The following ENPEP variants were observed in gnomAD, a reference collection of about 807,000 sequenced individuals.
The protein encoded by ENPEP is glutamyl aminopeptidase.
A neutral mutation model predicts 114.5 loss-of-function variants in ENPEP; 103 were observed. That is an observed-to-expected ratio of 0.90 (90% CI 0.77 to 1.06). The LOEUF (loss-of-function observed/expected upper bound fraction) is 1.06, where lower values mean the gene tolerates loss of function less well. ENPEP is among the 50% of genes least tolerant of loss of function. ENPEP has a pLI of 0.00. For synonymous variants in ENPEP, 420 were observed against 422.0 expected, an observed-to-expected ratio of 1.00 and a Z score of 0.06; for missense variants, 1,196 against 1,161.3, an observed-to-expected ratio of 1.03 and a Z score of -0.43.
chr4:110,526,090 A>G (rs922566167), intron 10 of ENPEP, among the ~76,000 whole-genome samples: 3 of 152,144 alleles, frequency 2.0e-5, no homozygotes, highest in African/African-American at 7.2e-5. Context: ...AGCCTGGCCA[A>G]CATGATGAAA....
intron 3 of ENPEP, among the ~76,000 whole-genome samples, chr4:110,499,239 C>A (rs1725061978): frequency 6.6e-6 from 1 of 152,096 alleles, no homozygotes; most frequent in African/African-American, 2.4e-5. Context: ...TTTGATGGGA[C>A]ACATAGAACT....
chr4:110,537,581 C>T (rs531136262), intron 11 of ENPEP, among the ~76,000 whole-genome samples: 63 of 152,308 alleles, frequency 4.1e-4, no homozygotes, highest in Admixed American at 8.5e-4. Context: ...TCATTCCTGA[C>T]GGTTGCAATC....
chr4:110,524,549 A>T (rs1726125428), intron 10 of ENPEP, among the ~76,000 whole-genome samples: 1 of 152,214 alleles, frequency 6.6e-6, no homozygotes, highest in South Asian at 2.1e-4. Context: ...AGTCTAATTA[A>T]AATTTTTTCT....
At chr4:110,554,553 G>A (rs1353999453) in intron 18 of ENPEP, among the ~76,000 whole-genome samples, 1 of 152,044 alleles carries the variant, frequency 6.6e-6, no homozygotes, top group African/African-American at 2.4e-5. Flanking sequence ...GTGTGTGTGT[G>A]TGTGTGCACG....
At position 110,488,562 on chromosome 4, in the gene ENPEP, T is replaced by C. The variant is rs1333294961; in HGVS notation, c.666T>C (p.His222=). Reference sequence around the variant, plus strand: ...TAAGGAGCATAGTGGCCACCGATCATGAACCAACAGATGCCAGGAAATCTT... The same window carrying C: ...TAAGGAGCATAGTGGCCACCGATCACGAACCAACAGATGCCAGGAAATCTT... The part of the protein sequence containing the change: ...GQVKSIVATD[H]EPTDARKSFP... Residue 222 remains histidine, a synonymous_variant, in exon 2 of 20, where the codon CAT becomes CAC. Coordinates refer to ENST00000265162, the MANE Select transcript of ENPEP (RefSeq NM_001977.4). 6.2e-7 allele frequency: 1 copy of C among 1,613,062 alleles called. No individual in the cohort carries two copies. The highest frequency in any genetic ancestry group is 2.2e-5 in the East Asian group (1 of 44,864).
chr4:110,480,503 A>C (rs994528661), intron 1 of ENPEP, among the ~76,000 whole-genome samples: 1 of 152,182 alleles, frequency 6.6e-6, no homozygotes, highest in African/African-American at 2.4e-5. Context: ...ATAGTAATAC[A>C]TTTGAAGTAC....
intron 1 of ENPEP, among the ~76,000 whole-genome samples, chr4:110,479,257 T>A (rs780161822): frequency 3.3e-5 from 5 of 152,210 alleles, no homozygotes; most frequent in Non-Finnish European, 5.9e-5. Flanking sequence ...ATTCGATGGA[T>A]ACATGGTAGG....
chr4:110,498,674 G>A lies in ENPEP; in HGVS notation c.918+7510G>A, dbSNP rs1326048925. 5.3e-5 allele frequency among the ~76,000 whole-genome samples: 8 copies of A among 152,168 alleles called. No individual in the cohort carries two copies. In the East Asian group the frequency reaches 1.3e-3, roughly 26 times the overall value. On this transcript the variant is annotated intron_variant, in intron 3 of 19. Transcript: ENST00000265162. The stretch of plus-strand genomic sequence containing the variant: ...TGCGGCACTTTCCAGGTGGAATCAT[G>A]CAGGGCCCTGCCTGGCTTCTGACCC...
chr4:110,546,322 G>A (rs1448802), intron 13 of ENPEP, among the ~76,000 whole-genome samples: 35,174 of 151,006 alleles, frequency 0.23, 4,549 homozygotes, highest in African/African-American at 0.34. Context: ...CCCCCACCCC[G>A]CCCCCTGCTT....
At chr4:110,517,897 T>C (rs1287346794) in intron 8 of ENPEP, among the ~76,000 whole-genome samples, 1 of 152,218 alleles carries the variant, frequency 6.6e-6, no homozygotes, top group East Asian at 1.9e-4. Flanking sequence ...CATAGTTCCA[T>C]AGTTCACATA....
intron 11 of ENPEP, among the ~76,000 whole-genome samples, chr4:110,539,304 G>C (rs1726761160): frequency 6.6e-6 from 1 of 152,148 alleles, no homozygotes; most frequent in African/African-American, 2.4e-5. Flanking sequence ...CTGAGATTTA[G>C]AATGGACCCT....
intron 10 of ENPEP, among the ~76,000 whole-genome samples, chr4:110,523,439 A>G (rs867056009): frequency 6.6e-6 from 1 of 152,150 alleles, no homozygotes; most frequent in African/African-American, 2.4e-5. Flanking sequence ...AAAAATATGA[A>G]GCAGATAGAA....
intron 18 of ENPEP, 77 bp from the exon 19 acceptor site, chr4:110,559,570 A>G (rs775156616): frequency 1.1e-5 from 11 of 1,028,990 alleles, no homozygotes; most frequent in Non-Finnish European, 1.6e-5. Flanking sequence ...TGAAATAAAA[A>G]GGAAACATCT....
chr4:110,536,038 C>T (rs1302475403), intron 11 of ENPEP, among the ~76,000 whole-genome samples: 3 of 130,544 alleles, frequency 2.3e-5, no homozygotes, highest in East Asian at 2.5e-4. Context: ...ACCCGGGAGG[C>T]GGAGGTTGTA....
intron 3 of ENPEP, among the ~76,000 whole-genome samples, chr4:110,505,536 G>A (rs529388262): frequency 6.6e-6 from 1 of 152,310 alleles, no homozygotes; most frequent in East Asian, 1.9e-4. Context: ...AGGAAAAGGT[G>A]GTTCAAGATG....
In ENPEP at chr4:110,476,800, C is replaced by A. The variant is rs1429282709; in HGVS notation, c.386C>A (p.Thr129Asn). 2 of 1,614,086 alleles carry A rather than the reference C, an allele frequency of 1.2e-6. No individual in the cohort carries two copies. The highest frequency in any genetic ancestry group is 2.7e-5 in the African/African-American group (2 of 74,946). The change falls in exon 1 of 20, where the codon ACC becomes AAC. Residue 129 changes from threonine to asparagine, a missense_variant. Transcript: ENST00000265162. ...VSISINLSAPTRYLWLHLRET... is the reference protein window; with the variant it reads ...VSISINLSAPNRYLWLHLRET... The stretch of plus-strand genomic sequence containing the variant: ...ATCTCCATCAACCTGAGCGCTCCCA[C>A]CCGGTACCTGTGGCTGCACCTCCGG...
At chr4:110,525,594 A>T (rs1726165635) in intron 10 of ENPEP, among the ~76,000 whole-genome samples, 1 of 152,230 alleles carries the variant, frequency 6.6e-6, no homozygotes, top group Non-Finnish European at 1.5e-5. Context: ...AGTCACATAT[A>T]TAAATTATTG....
In ENPEP at chr4:110,564,788, C is replaced by T. The variant is rs1560574130; in HGVS notation, c.*3230C>T. ...GAAACAGAGTGAAAATGATGTATGTCAATTTTAGGCAGAAACGTCCAGAGC... is the reference window on the plus strand; with the variant it reads ...GAAACAGAGTGAAAATGATGTATGTTAATTTTAGGCAGAAACGTCCAGAGC... On this transcript the variant is annotated 3_prime_UTR_variant, in exon 20 of 20. Coordinates refer to ENST00000265162, the MANE Select transcript of ENPEP (RefSeq NM_001977.4). 6.6e-6 allele frequency: 1 copy of T among 152,246 alleles called. No individual in the cohort carries two copies. Among genetic ancestry groups the T allele is most frequent in the East Asian group, 1.9e-4 (1 of 5,174 alleles). 9.4% of individuals were successfully genotyped at this position (152,246 alleles called of 1,614,324 possible).
chr4:110,495,442 C>T (rs1428490090), intron 3 of ENPEP, among the ~76,000 whole-genome samples: 5 of 152,210 alleles, frequency 3.3e-5, no homozygotes, highest in African/African-American at 7.2e-5. Flanking sequence ...CAATGGTGGC[C>T]GGGCGCGGTG....
Sources: gnomAD v4.1 joint callset for allele counts (sites outside exome capture counted in the v4.1 genomes callset) on GRCh38, gnomAD v4.1.1 for gene constraint, MANE v1.5 for transcripts, NCBI Gene and HGNC (gene_info 2026-07-23, HGNC 2026-07-21) for gene names.